RAB3IP: variants seen among roughly 807,000 people sequenced by gnomAD.
RAB3IP encodes RAB3A interacting protein, also known as rab-3A-interacting protein.
In RAB3IP, 36 loss-of-function variants were observed where a neutral mutation model predicts 59.1. That is an observed-to-expected ratio of 0.61 (90% CI 0.47 to 0.80). The LOEUF is 0.80. Among genes scored for constraint, RAB3IP ranks in the 30% least tolerant of loss-of-function variants. The pLI, the probability that RAB3IP is intolerant of heterozygous loss-of-function variation, is 0.00. For synonymous variants in RAB3IP, 207 were observed against 191.2 expected (o/e 1.08, Z -0.68); for missense variants, 511 against 536.0 (o/e 0.95, Z 0.46).
chr12:69,816,554 TTTAA>T lies in RAB3IP; in HGVS notation c.*1111_*1114del, dbSNP rs1881160740. On this transcript the variant is annotated 3_prime_UTR_variant, in exon 11 of 11. Coordinates refer to ENST00000247833, the MANE Select transcript of RAB3IP (RefSeq NM_022456.5). ...CCCTGTTTATAGAATTTTAACATAA[TTTAA>T]TTGTGTTTGGAGATGAGGTGGTTTT... 1 of 152,142 alleles carries T rather than the reference TTTAA, an allele frequency of 6.6e-6. No homozygotes were observed. Among genetic ancestry groups the T allele is most frequent in the Admixed American group, 6.5e-5 (1 of 15,272 alleles). The allele number at this position is 152,142 out of a possible 1,614,324, so 9.4% of individuals were successfully genotyped here.
intron 8 of RAB3IP, among the ~76,000 whole-genome samples, chr12:69,811,505 T>C (rs538312548): frequency 6.6e-6 from 1 of 152,218 alleles, no homozygotes; most frequent in East Asian, 1.9e-4. Flanking sequence ...TATGTCTGTT[T>C]CCAGAAGAAT....
intron 6 of RAB3IP, among the ~76,000 whole-genome samples, chr12:69,797,961 G>C (rs1877777617): frequency 6.6e-6 from 1 of 152,072 alleles, no homozygotes; most frequent in African/African-American, 2.4e-5. Context: ...CTTTGCTATT[G>C]TGAATAATGC....
rs1468201826 is a variant in RAB3IP at position 69,816,074 on chromosome 12, T to C, written c.*628T>C. Reference sequence around the variant, plus strand: ...GCAGTCAGATTTTATCCCAGAGATGTATTCCTGAGTGTCTTGATATAGTGT... The same window carrying C: ...GCAGTCAGATTTTATCCCAGAGATGCATTCCTGAGTGTCTTGATATAGTGT... On this transcript the variant is annotated 3_prime_UTR_variant, in exon 11 of 11. Coordinates refer to ENST00000247833, the MANE Select transcript of RAB3IP (RefSeq NM_022456.5). 1 of 152,282 alleles carries C rather than the reference T, an allele frequency of 6.6e-6. No homozygotes were observed. Among genetic ancestry groups the C allele is most frequent in the Non-Finnish European group, 1.5e-5 (1 of 68,050 alleles). The allele number at this position is 152,282 out of a possible 1,614,324, so 9.4% of individuals were successfully genotyped here.
intron 3 of RAB3IP, among the ~76,000 whole-genome samples, chr12:69,765,539 G>A (rs1872052001): frequency 6.6e-6 from 1 of 152,158 alleles, no homozygotes; most frequent in African/African-American, 2.4e-5. Flanking sequence ...AATCAGTTTG[G>A]TAGTATTTTG....
At position 69,815,536 on chromosome 12, in the gene RAB3IP, T is replaced by C. The variant is rs1056112890; in HGVS notation, c.*90T>C. 7.3e-6 allele frequency: 7 copies of C among 963,862 alleles called. No individual in the cohort carries two copies. The highest frequency in any genetic ancestry group is 6.5e-5 in the African/African-American group (4 of 61,402). The allele number at this position is 963,862 out of a possible 1,614,324, so 59.7% of individuals were successfully genotyped here. ...TTACTTGATATTTATTTCCAAGGAG[T>C]GAGCCTAAGACTTTTTTCCCCTTTT... On this transcript the variant is annotated 3_prime_UTR_variant, in exon 11 of 11. Coordinates refer to ENST00000247833, the MANE Select transcript of RAB3IP (RefSeq NM_022456.5).
chr12:69,795,795 A>G (rs1163065273), intron 6 of RAB3IP: 1 of 179,358 alleles, frequency 5.6e-6, no homozygotes, highest in Non-Finnish European at 1.2e-5. Flanking sequence ...AATTTAGATA[A>G]TTAAGCAACA....
Position 69,784,746 on chromosome 12 carries a change from T to A in RAB3IP, c.537T>A (p.Cys179Ter), listed in dbSNP as rs1360082695. Residue 179 changes from cysteine to a stop codon, truncating the protein, a stop_gained, in exon 4 of 11, where the codon TGT (cysteine) becomes TGA (stop). Coordinates refer to ENST00000247833, the MANE Select transcript of RAB3IP (RefSeq NM_022456.5). LOFTEE classifies it high-confidence loss of function. ...QRELKLKDEE[C>*]ERLSKVRDQL... Reference sequence around the variant, plus strand: ...AACTGAAGTTAAAAGATGAAGAATGTGAGAGGCTTTCAAAAGTGCGAGATC... The same window carrying A: ...AACTGAAGTTAAAAGATGAAGAATGAGAGAGGCTTTCAAAAGTGCGAGATC... 3 of 1,607,606 alleles carry A rather than the reference T, an allele frequency of 1.9e-6. No individual in the cohort carries two copies. Among genetic ancestry groups the A allele is most frequent in the Non-Finnish European group, 2.6e-6 (3 of 1,176,080 alleles).
intron 4 of RAB3IP, among the ~76,000 whole-genome samples, chr12:69,785,294 A>G (rs925379111): frequency 3.9e-5 from 6 of 152,224 alleles, no homozygotes; most frequent in African/African-American, 1.4e-4. Context: ...TAGGGGTGCC[A>G]CTAACACTGT....
At chr12:69,800,165 A>G in intron 6 of RAB3IP, 44 bp from the exon 7 acceptor site, 1 of 1,436,976 alleles carries the variant, frequency 7.0e-7, no homozygotes, top group South Asian at 1.6e-5. Context: ...TTTTATGTTT[A>G]TACGTTTTAA....
At chr12:69,795,613 A>G (rs1877319455) in intron 6 of RAB3IP, 2 of 519,584 alleles carry the variant, frequency 3.8e-6, no homozygotes, top group South Asian at 3.6e-5. Context: ...TGTTGTCTAG[A>G]GGAGAGTGGG....
intron 3 of RAB3IP, among the ~76,000 whole-genome samples, chr12:69,767,968 G>A (rs1872501506): frequency 6.6e-6 from 1 of 152,158 alleles, no homozygotes; most frequent in African/African-American, 2.4e-5. Context: ...AGACAAACAG[G>A]TGCTTTGAAT....
In RAB3IP at chr12:69,801,664, T is replaced by A. The variant is rs779812320; in HGVS notation, c.1073T>A (p.Val358Glu). 1.2e-6 allele frequency: 2 copies of A among 1,613,090 alleles called. 1 individual carries two copies. The highest frequency in any genetic ancestry group is 1.7e-6 in the Non-Finnish European group (2 of 1,179,410). ...VENNTLSIEP[V>E]GLQPIRFVKA... ...AACAATACTCTAAGCATTGAACCAGTGGGATTACAACCTATCCGGTTTGTG... is the reference window on the plus strand; with the variant it reads ...AACAATACTCTAAGCATTGAACCAGAGGGATTACAACCTATCCGGTTTGTG... The change falls in exon 8 of 11, where the codon GTG becomes GAG. Residue 358 changes from valine to glutamate, a missense_variant. By Grantham distance (121) the Val-to-Glu change is moderately radical. Coordinates refer to ENST00000247833, the MANE Select transcript of RAB3IP (RefSeq NM_022456.5).
chr12:69,812,852 A>G lies in RAB3IP; in HGVS notation c.1205A>G (p.Tyr402Cys). The G allele has an allele frequency of 2.5e-6, 4 of 1,612,930 alleles. No homozygotes were observed. Among genetic ancestry groups the G allele is most frequent in the Non-Finnish European group, 2.5e-6 (3 of 1,178,902 alleles). Reference sequence around the variant, plus strand: ...TTAGGGGACTCAAGCAACTATTATTATATTTCTCCTTTTTGCAGATACAGG... The same window carrying G: ...TTAGGGGACTCAAGCAACTATTATTGTATTTCTCCTTTTTGCAGATACAGG... ...IKLGDSSNYY[Y>C]ISPFCRYRIT... Residue 402 changes from tyrosine (Y) to cysteine (C), a missense_variant, in exon 9 of 11, where the codon TAT becomes TGT. Tyr to Cys is a radical substitution (Grantham distance 194, BLOSUM62 -2). Transcript: ENST00000247833.
At chr12:69,749,887 C>G (rs948547519) in intron 1 of RAB3IP, among the ~76,000 whole-genome samples, 5 of 152,168 alleles carry the variant, frequency 3.3e-5, no homozygotes, top group Non-Finnish European at 4.4e-5. Flanking sequence ...TCTTCTTTCC[C>G]CAGATCCTGG....
intron 1 of RAB3IP, among the ~76,000 whole-genome samples, chr12:69,750,629 G>T (rs1592445291): frequency 7.2e-6 from 1 of 139,582 alleles, no homozygotes. Context: ...AGATTTTGCT[G>T]TTTTTGTCCC....
In RAB3IP at chr12:69,739,081, C is replaced by G. The variant is rs1031756350; in HGVS notation, c.-26+50C>G. ...GGCCCGGAGCGTAGAGCACCGCCCC[C>G]CTCGGCGCCCGCGCGCCCGCCTCTG... On this transcript the variant is annotated intron_variant, in intron 1 of 10. Coordinates refer to ENST00000247833, the MANE Select transcript of RAB3IP (RefSeq NM_022456.5). The G allele has an allele frequency of 2.0e-4, 31 of 152,090 alleles. 1 individual carries two copies. The highest frequency in any genetic ancestry group is 9.2e-4 in the Admixed American group (14 of 15,284). The allele number at this position is 152,090 out of a possible 1,614,324, so 9.4% of individuals were successfully genotyped here. A position where few individuals can be genotyped will look rare whatever the true frequency, so the allele number is the denominator to read the frequency against.
At chr12:69,760,192 A>G (rs1443088106) in intron 3 of RAB3IP, among the ~76,000 whole-genome samples, 1 of 152,250 alleles carries the variant, frequency 6.6e-6, no homozygotes, top group Admixed American at 6.5e-5. Flanking sequence ...AGCCCGGCCA[A>G]CACAGCGAAA....
At chr12:69,783,221 C>T (rs1344474408) in intron 3 of RAB3IP, among the ~76,000 whole-genome samples, 3 of 152,122 alleles carry the variant, frequency 2.0e-5, no homozygotes, top group African/African-American at 7.2e-5. Context: ...GGTCTTTCTC[C>T]TCTGTTGTTT....
chr12:69,744,905 TTTAAAA>T (rs1219914690), intron 1 of RAB3IP, among the ~76,000 whole-genome samples: 21 of 152,308 alleles, frequency 1.4e-4, no homozygotes, highest in African/African-American at 4.6e-4. Context: ...GGAAGCCAAC[TTTAAAA>T]TTATTATGAA....
Sources: allele counts gnomAD v4.1 joint callset (sites outside exome capture counted in the v4.1 genomes callset), GRCh38; gene constraint gnomAD v4.1.1; transcripts MANE v1.5; gene names NCBI Gene and HGNC (gene_info 2026-07-23, HGNC 2026-07-21).